Variants in CEL observed in about 807,000 individuals in gnomAD.
The protein encoded by CEL is bile salt-activated lipase.
A neutral mutation model predicts 57.1 loss-of-function variants in CEL; 39 were observed. That is an observed-to-expected ratio of 0.68 (90% CI 0.53 to 0.89). The LOEUF (loss-of-function observed/expected upper bound fraction) is 0.89, where lower values mean the gene tolerates loss of function less well. Ranked by LOEUF, CEL falls within the 40% of genes least tolerant of loss-of-function variation. The pLI is 0.00. For synonymous variants in CEL, 314 were observed against 396.6 expected, an observed-to-expected ratio of 0.79 and a Z score of 2.48; for missense variants, 698 against 915.0, an observed-to-expected ratio of 0.76 and a Z score of 3.06.
In CEL at chr9:133,066,197, G is replaced by T. The variant is rs1830176395; in HGVS notation, c.539-333G>T. Among the ~76,000 whole-genome samples, 1 of 152,038 alleles carries T rather than the reference G, an allele frequency of 6.6e-6. No homozygotes were observed. The highest frequency in any genetic ancestry group is 2.4e-5 in the African/African-American group (1 of 41,392). On this transcript the variant is annotated intron_variant, in intron 4 of 10. Transcript: ENST00000372080. This position sits in a 1 kb window ranked among gnomAD's most constrained non-coding sequence, Gnocchi z 4.3. ...GGGCAGGGGCAGGAGAGGTGCATGG[G>T]CCTGACCATCCTGCCCCCGACAAAC...
In CEL at chr9:133,065,196, G is replaced by T; in HGVS notation, c.497G>T (p.Gly166Val). 6.2e-7 allele frequency: 1 copy of T among 1,613,706 alleles called. No homozygotes were observed. The highest frequency in any genetic ancestry group is 1.7e-5 in the Admixed American group (1 of 60,036). The stretch of plus-strand genomic sequence containing the variant: ...GTGGTCACCTTCAACTACCGTGTCG[G>T]CCCCCTTGGGTTCCTCAGCACTGGG... ...VIVVTFNYRV[G>V]PLGFLSTGDA... Residue 166 changes from glycine to valine, a missense_variant, in exon 4 of 11, where the codon GGC (glycine) becomes GTC (valine). Physicochemically the swap from Gly to Val is moderately radical, Grantham distance 109. Transcript: ENST00000372080.
intron 1 of CEL, 32 bp from the exon 2 acceptor site, chr9:133,064,372 C>G (rs762055225): frequency 6.2e-7 from 1 of 1,611,570 alleles, no homozygotes; most frequent in East Asian, 2.2e-5. Flanking sequence ...GGGGCTTGAG[C>G]CCCCCTGACC....
At chr9:133,068,256 C>T (rs1475758292) in intron 7 of CEL, among the ~76,000 whole-genome samples, 5 of 152,142 alleles carry the variant, frequency 3.3e-5, no homozygotes, top group Non-Finnish European at 4.4e-5. Context: ...TGGAACCCAG[C>T]CCTGAGAGAG....
Position 133,070,520 on chromosome 9 carries a change from A to G in CEL, c.1346A>G (p.Lys449Arg). Reference sequence around the variant, plus strand: ...CCCTCTCGGATGCCCGTCTACCCCAAATGGGTGGGGGCCGACCATGCAGAT... The same window carrying G: ...CCCTCTCGGATGCCCGTCTACCCCAGATGGGTGGGGGCCGACCATGCAGAT... The part of the protein sequence containing the change: ...SHPSRMPVYP[K>R]WVGADHADDI... Residue 449 changes from lysine (K) to arginine (R), a missense_variant, in exon 10 of 11, where the codon AAA becomes AGA. This residue lies in a region of CEL where 111 missense variants were observed against 147.3 expected (regional missense o/e 0.75). Transcript: ENST00000372080. The G allele has an allele frequency of 6.2e-7, 1 of 1,613,792 alleles. No homozygotes were observed. The highest frequency in any genetic ancestry group is 8.5e-7 in the Non-Finnish European group (1 of 1,179,952).
intron 7 of CEL, among the ~76,000 whole-genome samples, chr9:133,067,529 T>C (rs989534836): frequency 2.0e-5 from 3 of 152,126 alleles, no homozygotes; most frequent in Non-Finnish European, 4.4e-5. Context: ...CATGCCACCA[T>C]GCCCAGATAA....
At chr9:133,064,259 G>A (rs1475197054) in intron 1 of CEL, 145 bp from the exon 2 acceptor site, 5 of 1,015,140 alleles carry the variant, frequency 4.9e-6, no homozygotes, top group Non-Finnish European at 7.4e-6. Flanking sequence ...AGGGCAGGGG[G>A]TGCTGCCTGG....
In CEL at chr9:133,066,972, G is replaced by A. The variant is rs575987314; in HGVS notation, c.777+27G>A. 1.2e-5 allele frequency: 18 copies of A among 1,551,478 alleles called. No homozygotes were observed. Among genetic ancestry groups the A allele is most frequent in the East Asian group, 2.2e-5 (1 of 44,588 alleles). Reference sequence around the variant, plus strand: ...TAAACGGAGGAGGGCAGGGCTGGGCGGGGTGGGGGCTGTCCACATTTCCGT... The same window carrying A: ...TAAACGGAGGAGGGCAGGGCTGGGCAGGGTGGGGGCTGTCCACATTTCCGT... On this transcript the variant is annotated intron_variant, in intron 6 of 10. Transcript: ENST00000372080. This position sits in a 1 kb window ranked among gnomAD's most constrained non-coding sequence, Gnocchi z 4.3.
In CEL at chr9:133,071,234, GA is replaced by G. The variant is rs1799529006; in HGVS notation, c.1733del (p.Glu578GlyfsTer126). On this transcript the variant is annotated frameshift_variant, in exon 11 of 11. Coordinates refer to ENST00000372080, the MANE Select transcript of CEL (RefSeq NM_001807.6). LOFTEE classifies it high-confidence loss of function. Reference sequence around the variant, plus strand: ...TCCCGTGCCCCCCACGGGTGACTCCGAGACCGCCCCCGTGCCGCCCACGGGT... The same window carrying G: ...TCCCGTGCCCCCCACGGGTGACTCCGGACCGCCCCCGTGCCGCCCACGGGT... ...ATPVPPTGDSETAPVPPTGDS... is the reference protein window; with the variant it reads ...ATPVPPTGDSXTAPVPPTGDS... The G allele has an allele frequency of 6.3e-7, 1 of 1,588,790 alleles. No homozygotes were observed. The highest frequency in any genetic ancestry group is 8.5e-7 in the Non-Finnish European group (1 of 1,174,800).
At chr9:133,062,795 C>T (rs1830111579) in intron 1 of CEL, among the ~76,000 whole-genome samples, 2 of 151,638 alleles carry the variant, frequency 1.3e-5, no homozygotes, top group Admixed American at 1.3e-4. Context: ...GAGAAGCAGG[C>T]AGGCAGTTTG....
intron 1 of CEL, 148 bp downstream of exon 1, chr9:133,062,216 G>C: frequency 4.1e-6 from 5 of 1,208,450 alleles, no homozygotes; most frequent in Non-Finnish European, 5.8e-6. Flanking sequence ...GTGCCAGGTA[G>C]AACACAGGAT....
rs752081040 is a variant in CEL, at chr9:133,066,921, A to G, written c.753A>G (p.Lys251=). ...GVALSPWVIQ[K]NPLFWAKKVA... ...CCCTGAGTCCCTGGGTCATCCAGAA[A>G]AACCCACTCTTCTGGGCCAAAAAGG... The change falls in exon 6 of 11, where the codon AAA becomes AAG. Residue 251 remains lysine (K), a synonymous_variant. Transcript: ENST00000372080. This position sits in a 1 kb window ranked among gnomAD's most constrained non-coding sequence, Gnocchi z 4.3. 59 of 1,613,562 alleles carry G rather than the reference A, an allele frequency of 3.7e-5. No individual in the cohort carries two copies. The highest frequency in any genetic ancestry group is 4.3e-5 in the Non-Finnish European group (51 of 1,179,908).
intron 4 of CEL, among the ~76,000 whole-genome samples, chr9:133,065,586 C>T (rs592267): frequency 0.01 from 1,563 of 152,190 alleles, 8 homozygotes; most frequent in South Asian, 0.054. Context: ...GCGGCTCACC[C>T]CTGTAATCCC....
intron 4 of CEL, 131 bp downstream of exon 4, chr9:133,065,368 T>A: frequency 1.9e-6 from 2 of 1,059,658 alleles, no homozygotes; most frequent in South Asian, 1.3e-5. Flanking sequence ...TGGAGTAGAA[T>A]CATGAGATGC....
chr9:133,065,007 C>A (rs372638049), intron 3 of CEL, 33 bp from the exon 4 acceptor site: 1 of 1,559,810 alleles, frequency 6.4e-7, no homozygotes, highest in Non-Finnish European at 8.6e-7. Flanking sequence ...CCAGGCGGGG[C>A]GTCTGGGGTC....
chr9:133,065,770 C>T (rs535657956), intron 4 of CEL, among the ~76,000 whole-genome samples: 18 of 148,256 alleles, frequency 1.2e-4, no homozygotes, highest in African/African-American at 4.5e-4. Context: ...CGCTTGAACT[C>T]AGGAGGCGGA....
chr9:133,064,593 C>T (rs757380527), intron 2 of CEL, 39 bp downstream of exon 2: 22 of 1,613,530 alleles, frequency 1.4e-5, no homozygotes, highest in African/African-American at 1.3e-5. Context: ...TGCGGCGGGG[C>T]GGGTGAGGGC....
At position 133,066,570 on chromosome 9, in the gene CEL, G is replaced by T; in HGVS notation, c.579G>T (p.Trp193Cys). 1 of 1,613,998 alleles carries T rather than the reference G, an allele frequency of 6.2e-7. No individual in the cohort carries two copies. Among genetic ancestry groups the T allele is most frequent in the Non-Finnish European group, 8.5e-7 (1 of 1,180,024 alleles). ...GLRDQHMAIA[W>C]VKRNIAAFGG... ...GGGATCAGCACATGGCCATTGCTTG[G>T]GTGAAGAGGAATATCGCGGCCTTCG... Residue 193 changes from tryptophan (W) to cysteine (C), a missense_variant, in exon 5 of 11, where the codon TGG becomes TGT. Trp to Cys is a radical substitution (Grantham distance 215, BLOSUM62 -2). Transcript: ENST00000372080. This position sits in a 1 kb window ranked among gnomAD's most constrained non-coding sequence, Gnocchi z 4.3.
At chr9:133,067,307 G>C (rs537018843) in intron 7 of CEL, 102 bp downstream of exon 7, 2 of 1,068,056 alleles carry the variant, frequency 1.9e-6, no homozygotes, top group Non-Finnish European at 2.8e-6. Context: ...CCAGAGCTGC[G>C]GTCTTGTCCT....
Position 133,065,032 on chromosome 9 carries a change from C to G in CEL, c.341-8C>G. 6.2e-7 allele frequency: 1 copy of G among 1,612,730 alleles called. No homozygotes were observed. On this transcript the variant is annotated splice_region_variant and splice_polypyrimidine_tract_variant and intron_variant, in intron 3 of 10. Transcript: ENST00000372080. Reference sequence around the variant, plus strand: ...CGTCTGGGGTCACCAGCCGCTCCCCCATCTCAGTCTCCCGGGACCTGCCCG... The same window carrying G: ...CGTCTGGGGTCACCAGCCGCTCCCCGATCTCAGTCTCCCGGGACCTGCCCG...
Sources: allele counts gnomAD v4.1 joint callset (sites outside exome capture counted in the v4.1 genomes callset), GRCh38; gene constraint gnomAD v4.1.1; regional missense constraint gnomAD v4.1.1; non-coding constraint Gnocchi (gnomAD v3.1); transcripts MANE v1.5; gene names NCBI Gene and HGNC (gene_info 2026-07-23, HGNC 2026-07-21).